The following KCMF1 variants were observed in gnomAD, a reference collection of about 807,000 sequenced individuals.
KCMF1 encodes the protein E3 ubiquitin-protein ligase KCMF1.
KCMF1 carries 3 observed loss-of-function variants against 41.1 expected under a neutral mutation model. That is an observed-to-expected ratio of 0.07 (90% CI 0.03 to 0.19). The LOEUF is 0.19. Among genes scored for constraint, KCMF1 ranks in the 10% least tolerant of loss-of-function variants. The pLI, the probability that KCMF1 is intolerant of heterozygous loss-of-function variation, is 1.00. For synonymous variants in KCMF1, 142 were observed against 164.5 expected (o/e 0.86, Z 1.04); for missense variants, 286 against 488.9 (o/e 0.58, Z 3.91).
At chr2:85,031,167 C>G (rs1558581953) in intron 2 of KCMF1, among the ~76,000 whole-genome samples, 1 of 152,168 alleles carries the variant, frequency 6.6e-6, no homozygotes, top group Non-Finnish European at 1.5e-5. Context: ...TCAGTTTCTG[C>G]AAAGAAGCCA....
intron 1 of KCMF1, among the ~76,000 whole-genome samples, chr2:85,001,786 A>G (rs1035042820): frequency 6.6e-6 from 1 of 152,250 alleles, no homozygotes; most frequent in Admixed American, 6.5e-5. Context: ...GCCTAGCAAC[A>G]TAGATACATT....
chr2:85,045,480 T>G (rs1276850313), intron 4 of KCMF1, among the ~76,000 whole-genome samples: 12 of 152,130 alleles, frequency 7.9e-5, no homozygotes, highest in Admixed American at 2.6e-4. Context: ...CTGGTCTGTT[T>G]GGTACTTTAA....
At chr2:85,028,256 C>T (rs1391879022) in intron 2 of KCMF1, among the ~76,000 whole-genome samples, 200 bp downstream of exon 2, 1 of 152,132 alleles carries the variant, frequency 6.6e-6, no homozygotes, top group African/African-American at 2.4e-5. Flanking sequence ...GATCTTGGCT[C>T]ACTGCAACCT....
At chr2:85,037,019 A>G (rs1164654386) in intron 3 of KCMF1, among the ~76,000 whole-genome samples, 3 of 150,432 alleles carry the variant, frequency 2.0e-5, no homozygotes, top group Admixed American at 1.3e-4. Flanking sequence ...CTGAAAGTAA[A>G]TACTCAAAAT....
intron 1 of KCMF1, among the ~76,000 whole-genome samples, chr2:85,021,623 A>C (rs534865826): frequency 5.9e-5 from 9 of 152,132 alleles, no homozygotes; most frequent in African/African-American, 2.2e-4. Context: ...CTGTCACAAA[A>C]AAAAAAAATC....
chr2:84,992,089 C>T (rs1674052909), intron 1 of KCMF1, among the ~76,000 whole-genome samples: 1 of 152,078 alleles, frequency 6.6e-6, no homozygotes, highest in Admixed American at 6.6e-5. Flanking sequence ...GAGTTCAAAC[C>T]CCAGCCTGGT....
chr2:85,003,124 C>G (rs1674373179), intron 1 of KCMF1, among the ~76,000 whole-genome samples: 1 of 152,126 alleles, frequency 6.6e-6, no homozygotes, highest in African/African-American at 2.4e-5. Flanking sequence ...TCCAGGATTT[C>G]TTATCACATG....
intron 1 of KCMF1, among the ~76,000 whole-genome samples, chr2:84,978,780 A>G (rs1673622169): frequency 1.3e-5 from 2 of 151,730 alleles, no homozygotes; most frequent in Admixed American, 1.3e-4. Flanking sequence ...CAATGGCGCG[A>G]TCTCAGCTCA....
At chr2:85,025,387 T>C (rs1298124117) in intron 1 of KCMF1, among the ~76,000 whole-genome samples, 1 of 152,186 alleles carries the variant, frequency 6.6e-6, no homozygotes, top group Non-Finnish European at 1.5e-5. Context: ...TAAAATTTAT[T>C]TTAACCCCTT....
chr2:84,992,543 C>G (rs924265887), intron 1 of KCMF1, among the ~76,000 whole-genome samples: 1 of 152,188 alleles, frequency 6.6e-6, no homozygotes, highest in Non-Finnish European at 1.5e-5. Context: ...TCTTCATTTT[C>G]TTCTTGGATA....
intron 1 of KCMF1, among the ~76,000 whole-genome samples, chr2:85,026,971 A>G (rs1373701184): frequency 6.6e-6 from 1 of 152,166 alleles, no homozygotes; most frequent in Non-Finnish European, 1.5e-5. Context: ...ATCAATTCTA[A>G]TTTAAGACCA....
At chr2:84,972,414 T>C (rs943048485) in intron 1 of KCMF1, among the ~76,000 whole-genome samples, 12 of 152,218 alleles carry the variant, frequency 7.9e-5, no homozygotes, top group Non-Finnish European at 1.5e-4. Flanking sequence ...AAGTTAACTT[T>C]AATTTATTGC....
chr2:85,018,097 AAG>A (rs1204961492), intron 1 of KCMF1, among the ~76,000 whole-genome samples: 1 of 152,112 alleles, frequency 6.6e-6, no homozygotes, highest in Non-Finnish European at 1.5e-5. Flanking sequence ...AGTGTTGAAA[AAG>A]GGGTTAAACT....
chr2:85,035,112 A>C lies in KCMF1; in HGVS notation c.281A>C (p.Gln94Pro). 1.9e-6 allele frequency: 3 copies of C among 1,613,604 alleles called. No individual in the cohort carries two copies. Among genetic ancestry groups the C allele is most frequent in the Non-Finnish European group, 1.7e-6 (2 of 1,179,684 alleles). Residue 94 changes from glutamine (Q) to proline (P), a missense_variant, in exon 3 of 7, where the codon CAA (glutamine) becomes CCA (proline). Around this residue, in one of 2 missense-constraint regions of KCMF1, gnomAD observed 95 missense variants for 209.6 expected, o/e 0.45. Transcript: ENST00000409785. ...ATGGGCTATACGGAGACATCTCTTCAAGAACATGTTACTTCTGAACATGCA... is the reference window on the plus strand; with the variant it reads ...ATGGGCTATACGGAGACATCTCTTCCAGAACATGTTACTTCTGAACATGCA... Reference protein sequence around the residue: ...GKMGYTETSLQEHVTSEHAET... With the variant: ...GKMGYTETSLPEHVTSEHAET...
chr2:85,033,317 G>A (rs1294061231), intron 2 of KCMF1, among the ~76,000 whole-genome samples: 1 of 151,920 alleles, frequency 6.6e-6, no homozygotes, highest in Non-Finnish European at 1.5e-5. Context: ...ATTCTTTTTA[G>A]TGGCGTAACA....
chr2:85,016,046 CG>C (rs1360294902), intron 1 of KCMF1, among the ~76,000 whole-genome samples: 3 of 152,118 alleles, frequency 2.0e-5, no homozygotes, highest in Non-Finnish European at 4.4e-5. Context: ...GTAGAAAAGC[CG>C]ATTTCCAGTC....
chr2:84,973,638 T>A (rs543341056), intron 1 of KCMF1, among the ~76,000 whole-genome samples: 3 of 152,270 alleles, frequency 2.0e-5, no homozygotes, highest in African/African-American at 7.2e-5. Flanking sequence ...TTTAACTCAT[T>A]AGATACATAT....
intron 3 of KCMF1, among the ~76,000 whole-genome samples, chr2:85,040,768 CTTT>C (rs142252238): frequency 7.0e-6 from 1 of 142,564 alleles, no homozygotes; most frequent in Non-Finnish European, 1.5e-5. Context: ...TTTTTCTTTT[CTTT>C]TTTTTTTTTT....
chr2:84,973,825 C>CTTTTTTTTTTTTTTTT (rs1238178193), intron 1 of KCMF1, among the ~76,000 whole-genome samples: 8 of 110,270 alleles, frequency 7.3e-5, no homozygotes, highest in Non-Finnish European at 9.4e-5. Flanking sequence ...TTATTTCTTT[C>CTTTTTTTTTTTTTTTT]TTTTTTTTTT....
Sources: gnomAD v4.1 joint callset for allele counts (sites outside exome capture counted in the v4.1 genomes callset) on GRCh38, gnomAD v4.1.1 for gene constraint, gnomAD v4.1.1 regional missense constraint, MANE v1.5 for transcripts, NCBI Gene and HGNC (gene_info 2026-07-23, HGNC 2026-07-21) for gene names.